PCDHA5: variants seen among roughly 807,000 people sequenced by gnomAD.
PCDHA5 encodes the protein protocadherin alpha 5.
Under a neutral mutation model 61.6 loss-of-function variants are expected in PCDHA5, and 43 were observed. That is an observed-to-expected ratio of 0.70 (90% confidence interval 0.55 to 0.90). The LOEUF (loss-of-function observed/expected upper bound fraction) is 0.90, where lower values mean the gene tolerates loss of function less well. Among genes scored for constraint, PCDHA5 ranks in the 40% least tolerant of loss-of-function variants. PCDHA5 has a pLI of 0.00. For synonymous variants in PCDHA5, 627 were observed against 543.9 expected (o/e 1.15, Z -2.13); for missense variants, 1,298 against 1,222.7 (o/e 1.06, Z -0.92).
chr5:140,928,585 G>T, intron 1 of PCDHA5: 1 of 1,614,194 alleles, frequency 6.2e-7, no homozygotes, highest in Non-Finnish European at 8.5e-7. Context: ...AAATGGTTCT[G>T]TCCCAGTGGA....
At position 140,823,016 on chromosome 5, in the gene PCDHA5, G is replaced by A. The variant is rs2150121334; in HGVS notation, c.1241G>A (p.Arg414His). 8 of 1,614,216 alleles carry A rather than the reference G, an allele frequency of 5.0e-6. No individual in the cohort carries two copies. Among genetic ancestry groups the A allele is most frequent in the East Asian group, 2.2e-5 (1 of 44,878 alleles). The change falls in exon 1 of 4, where the codon CGC becomes CAC. Residue 414 changes from arginine (R) to histidine (H), a missense_variant. Arg to His is a conservative substitution (Grantham distance 29). Coordinates refer to ENST00000529859, the MANE Select transcript of PCDHA5 (RefSeq NM_018908.3). ...YSLVLDSALD[R>H]ESVSVYELVV... The stretch of plus-strand genomic sequence containing the variant: ...TTGGTGCTGGACAGCGCCCTGGACC[G>A]CGAGAGCGTGTCGGTCTATGAGCTG...
In PCDHA5 at chr5:140,877,407, C is replaced by G. The variant is rs1554169686; in HGVS notation, c.2352+53280C>G. The G allele has an allele frequency of 1.2e-6, 2 of 1,613,824 alleles. No individual in the cohort carries two copies. The highest frequency in any genetic ancestry group is 2.7e-5 in the African/African-American group (2 of 74,928). On this transcript the variant is annotated intron_variant, in intron 1 of 3. Coordinates refer to ENST00000529859, the MANE Select transcript of PCDHA5 (RefSeq NM_018908.3). ...TGGATGAGGCGGACGCTCCGCGCCA[C>G]CGCCTGCTGGTGCTGGTGAAGGACC...
intron 1 of PCDHA5, chr5:140,864,534 T>A (rs1554158965): frequency 6.6e-6 from 1 of 152,246 alleles, no homozygotes; most frequent in Non-Finnish European, 1.5e-5. Flanking sequence ...TTAATTTTTG[T>A]CTTCAATCTT....
intron 1 of PCDHA5, chr5:140,882,983 GC>G: frequency 1.2e-6 from 2 of 1,614,130 alleles, no homozygotes; most frequent in Non-Finnish European, 1.7e-6. Context: ...GAATGACAAC[GC>G]CCCGGAATTT....
intron 1 of PCDHA5, among the ~76,000 whole-genome samples, chr5:140,894,375 T>G (rs1246573357): frequency 1.3e-5 from 2 of 152,054 alleles, no homozygotes; most frequent in Non-Finnish European, 2.9e-5. Context: ...ATGGCTCCAA[T>G]TATATTTGTA....
At chr5:140,883,477 C>T (rs2059632046) in intron 1 of PCDHA5, 2 of 1,614,054 alleles carry the variant, frequency 1.2e-6, no homozygotes, top group Non-Finnish European at 1.7e-6. Flanking sequence ...CCTACAAGAA[C>T]TACTACTCAT....
intron 1 of PCDHA5, among the ~76,000 whole-genome samples, chr5:140,953,840 G>C (rs1429646408): frequency 6.6e-6 from 1 of 152,072 alleles, no homozygotes; most frequent in African/African-American, 2.4e-5. Flanking sequence ...TTGTTACCCA[G>C]GTAAACATGT....
chr5:140,852,204 A>G lies in PCDHA5; in HGVS notation c.2352+28077A>G, dbSNP rs2150513408. On this transcript the variant is annotated intron_variant, in intron 1 of 3. Transcript: ENST00000529859. The stretch of plus-strand genomic sequence containing the variant: ...ATGAAAATGCCAGTAACGTTTATTT[A>G]AAACAAAATATTTTAATTTTTAAAT... The G allele has an allele frequency of 7.5e-6, 5 of 666,504 alleles. No homozygotes were observed. The African/African-American group carries it at 9.8e-5, about 13-fold the overall frequency. 41.3% of individuals were successfully genotyped at this position (666,504 alleles called of 1,614,324 possible).
chr5:140,998,241 T>C (rs1554256206), intron 3 of PCDHA5, among the ~76,000 whole-genome samples: 1 of 152,194 alleles, frequency 6.6e-6, no homozygotes, highest in African/African-American at 2.4e-5. Context: ...TGCATTATTA[T>C]ACTCATTTTA....
At chr5:140,836,991 C>A in intron 1 of PCDHA5, 2 of 347,628 alleles carry the variant, frequency 5.8e-6, no homozygotes, top group Non-Finnish European at 1.0e-5. Context: ...GAGGACTTTG[C>A]TAACTGGAGC....
At chr5:141,003,814 G>A (rs2098139841) in intron 3 of PCDHA5, among the ~76,000 whole-genome samples, 1 of 152,088 alleles carries the variant, frequency 6.6e-6, no homozygotes, top group Admixed American at 6.6e-5. Context: ...CTGTAGTCTG[G>A]GAAGGGCTCT....
chr5:140,877,326 G>C (rs781931363), intron 1 of PCDHA5: 3 of 1,613,964 alleles, frequency 1.9e-6, no homozygotes. Flanking sequence ...CGGTCGGCGC[G>C]CACATCCCGT....
chr5:140,870,857 G>C, intron 1 of PCDHA5: 1 of 1,613,916 alleles, frequency 6.2e-7, no homozygotes. Context: ...CGGTCGGTGG[G>C]TGCGGGCCAC....
chr5:140,828,207 C>T (rs1769609355), intron 1 of PCDHA5: 4 of 1,614,008 alleles, frequency 2.5e-6, no homozygotes, highest in Non-Finnish European at 3.4e-6. Context: ...CCCGAGGAGG[C>T]CAAACACGGC....
intron 1 of PCDHA5, chr5:140,875,592 A>G: frequency 6.2e-7 from 1 of 1,613,992 alleles, no homozygotes; most frequent in Non-Finnish European, 8.5e-7. Flanking sequence ...AGGAGGCCAA[A>G]CACGGCACCT....
intron 1 of PCDHA5, among the ~76,000 whole-genome samples, chr5:140,938,975 C>T (rs1249900927): frequency 6.6e-6 from 1 of 152,188 alleles, no homozygotes; most frequent in African/African-American, 2.4e-5. Flanking sequence ...GGCATCAAGG[C>T]TATCCTGGCT....
chr5:140,829,684 G>T, intron 1 of PCDHA5: 1 of 1,613,278 alleles, frequency 6.2e-7, no homozygotes, highest in Non-Finnish European at 8.5e-7. Context: ...TAGAGCTGCT[G>T]CAGTTTCAGG....
chr5:140,836,281 C>G (rs2150256657), intron 1 of PCDHA5: 6 of 1,613,614 alleles, frequency 3.7e-6, no homozygotes, highest in Non-Finnish European at 4.2e-6. Flanking sequence ...GAGATCAGCA[C>G]GACACGAGCC....
At chr5:140,849,962 G>A in intron 1 of PCDHA5, 1 of 1,597,888 alleles carries the variant, frequency 6.3e-7, no homozygotes, top group Admixed American at 1.7e-5. Context: ...AGAACGCCCT[G>A]GTGTCCTACT....
Sources: allele counts gnomAD v4.1 joint callset (sites outside exome capture counted in the v4.1 genomes callset), GRCh38; gene constraint gnomAD v4.1.1; transcripts MANE v1.5; gene names NCBI Gene and HGNC (gene_info 2026-07-23, HGNC 2026-07-21).